The following NFIA variants were observed in gnomAD, a reference collection of about 807,000 sequenced individuals.
NFIA encodes nuclear factor 1 A-type.
NFIA carries 8 observed loss-of-function variants against 62.8 expected under a neutral mutation model. The ratio of observed to expected loss-of-function variants is 0.13; its 90% CI spans 0.07 to 0.23. The LOEUF (loss-of-function observed/expected upper bound fraction) is 0.23, where lower values mean the gene tolerates loss of function less well. NFIA is among the 10% of genes least tolerant of loss of function. The probability of loss-of-function intolerance (pLI) is 1.00; values close to 1 mark genes in which losing one functional copy is unlikely to be tolerated. For missense variants in NFIA, 410 were observed against 642.1 expected (o/e 0.64, Z 3.91); for synonymous variants, 235 against 238.1 (o/e 0.99, Z 0.12).
intron 2 of NFIA, among the ~76,000 whole-genome samples, chr1:61,195,544 A>G (rs1043950781): frequency 1.1e-4 from 16 of 152,142 alleles, no homozygotes; most frequent in African/African-American, 3.6e-4. Flanking sequence ...TTGTGTCACT[A>G]AGAGTTAAGA....
At position 61,352,756 on chromosome 1, in the gene NFIA, TACACAC is replaced by T. The variant is rs10544967; in HGVS notation, c.818+212_818+217del. On this transcript the variant is annotated intron_variant, in intron 5 of 10. Coordinates refer to ENST00000403491, the MANE Select transcript of NFIA (RefSeq NM_001134673.4). Reference sequence around the variant, plus strand: ...CAAATATGCATGTGGCAAGATTAAATACACACACACACACACACACACACACACGCA... The same window carrying T: ...CAAATATGCATGTGGCAAGATTAAATACACACACACACACACACACACGCA... Among the ~76,000 whole-genome samples, 502 of 150,564 alleles carry T rather than the reference TACACAC, an allele frequency of 3.3e-3. 4 individuals carry two copies. The highest frequency in any genetic ancestry group is 0.013 in the South Asian group (63 of 4,710).
intron 2 of NFIA, among the ~76,000 whole-genome samples, chr1:61,202,900 C>T (rs578122687): frequency 6.6e-6 from 1 of 152,170 alleles, no homozygotes; most frequent in African/African-American, 2.4e-5. Context: ...ATTGTTAAAG[C>T]CTCATGTAAA....
At chr1:61,437,572 A>G (rs566447726) in intron 10 of NFIA, among the ~76,000 whole-genome samples, 5 of 152,312 alleles carry the variant, frequency 3.3e-5, no homozygotes, top group African/African-American at 1.2e-4. Context: ...GAGGCTAAAG[A>G]TGTACATTAT....
chr1:61,385,943 T>C (rs901384488), intron 7 of NFIA: 2 of 152,200 alleles, frequency 1.3e-5, no homozygotes, highest in Admixed American at 1.3e-4. Flanking sequence ...TCTTACCGTG[T>C]CCCACCCCGC....
chr1:61,078,965 G>A (rs1317635448), upstream of NFIA, among the ~76,000 whole-genome samples: 1 of 152,142 alleles, frequency 6.6e-6, no homozygotes, highest in Admixed American at 6.5e-5. Flanking sequence ...TCTGAGCAGC[G>A]TAGACACCCA....
intron 3 of NFIA, among the ~76,000 whole-genome samples, chr1:61,278,886 T>G (rs1031550332): frequency 1.3e-5 from 2 of 152,196 alleles, no homozygotes; most frequent in African/African-American, 4.8e-5. Flanking sequence ...TTATTTAACC[T>G]CTCAGAGTAT....
In NFIA at chr1:61,083,894, GC is replaced by G. The variant is rs962214480; in HGVS notation, c.27+1082del. On this transcript the variant is annotated intron_variant, in intron 1 of 10. Coordinates refer to ENST00000403491, the MANE Select transcript of NFIA (RefSeq NM_001134673.4). ...GCGCCCCACCGCCTCTCCTTTCCGT[GC>G]CCCCCTGTCCATTCCTCCCTTGTCT... Among the ~76,000 whole-genome samples the G allele has an allele frequency of 1.5e-4, 23 of 151,698 alleles. 1 individual carries two copies. Among genetic ancestry groups the G allele is most frequent in the South Asian group, 6.2e-4 (3 of 4,824 alleles).
At position 61,402,033 on chromosome 1, in the gene NFIA, CTTTTTTTTTTTT is replaced by C. The variant is rs10636290; in HGVS notation, c.1076-2060_1076-2049del. 5.2e-4 allele frequency among the ~76,000 whole-genome samples: 49 copies of C among 94,568 alleles called. No individual in the cohort carries two copies. In the Admixed American group the frequency reaches 6.8e-3, roughly 13 times the overall value. 62.0% of individuals were successfully genotyped at this position (94,568 alleles called of 152,430 possible). On this transcript the variant is annotated intron_variant, in intron 7 of 10. Coordinates refer to ENST00000403491, the MANE Select transcript of NFIA (RefSeq NM_001134673.4). ...GAAGTCCTAAGTTTTACTCATTTTT[CTTTTTTTTTTTT>C]TTTTTTTTTTGAGACGGAGTCTCCC...
chr1:61,264,688 C>T (rs985117886), intron 2 of NFIA, among the ~76,000 whole-genome samples: 1 of 149,178 alleles, frequency 6.7e-6, no homozygotes, highest in East Asian at 2.0e-4. Flanking sequence ...AAAGGATTTC[C>T]CGAAGGTAGT....
At chr1:61,119,710 T>C (rs1005034594) in intron 2 of NFIA, among the ~76,000 whole-genome samples, 3 of 152,210 alleles carry the variant, frequency 2.0e-5, no homozygotes, top group African/African-American at 7.2e-5. Flanking sequence ...AAATCTTTAT[T>C]ATCAAAATGT....
At chr1:61,359,965 A>G (rs527321962) in intron 6 of NFIA, among the ~76,000 whole-genome samples, 16 of 152,160 alleles carry the variant, frequency 1.1e-4, no homozygotes, top group Non-Finnish European at 1.9e-4. Context: ...AAATCTATCA[A>G]CTTTTTCAGC....
chr1:61,433,831 G>T (rs1667212118), intron 10 of NFIA, among the ~76,000 whole-genome samples: 1 of 152,130 alleles, frequency 6.6e-6, no homozygotes, highest in African/African-American at 2.4e-5. Context: ...CATATCCAGA[G>T]GTCAGTAGAG....
chr1:61,319,360 G>A (rs1174047117), intron 3 of NFIA, among the ~76,000 whole-genome samples: 1 of 152,034 alleles, frequency 6.6e-6, no homozygotes, highest in Non-Finnish European at 1.5e-5. Flanking sequence ...TACATCTCAA[G>A]AATGAAAGGA....
chr1:61,296,108 C>G (rs1322948271), intron 3 of NFIA, among the ~76,000 whole-genome samples: 1 of 152,210 alleles, frequency 6.6e-6, no homozygotes, highest in South Asian at 2.1e-4. Context: ...CTGAACTGAT[C>G]TGGCATTCTA....
chr1:61,434,295 A>G (rs1667234472), intron 10 of NFIA, among the ~76,000 whole-genome samples: 1 of 152,146 alleles, frequency 6.6e-6, no homozygotes, highest in African/African-American at 2.4e-5. Context: ...GGTGTTGAAT[A>G]GTAAGCAACA....
At chr1:61,255,725 C>G (rs1019621781) in intron 2 of NFIA, among the ~76,000 whole-genome samples, 3 of 152,270 alleles carry the variant, frequency 2.0e-5, no homozygotes, top group Non-Finnish European at 2.9e-5. Flanking sequence ...ACCTTGGCAC[C>G]TGACTGGCAG....
chr1:61,136,689 C>G (rs1309248906), intron 2 of NFIA, among the ~76,000 whole-genome samples: 1 of 152,172 alleles, frequency 6.6e-6, no homozygotes, highest in Non-Finnish European at 1.5e-5. Flanking sequence ...CACCTATGCA[C>G]AAAGCATTTT....
At chr1:61,282,810 G>A (rs1334590203) in intron 3 of NFIA, among the ~76,000 whole-genome samples, 1 of 152,208 alleles carries the variant, frequency 6.6e-6, no homozygotes, top group Non-Finnish European at 1.5e-5. Context: ...CAGACTGCTA[G>A]TAATAACTTT....
intron 2 of NFIA, among the ~76,000 whole-genome samples, chr1:61,114,667 C>G (rs1646766570): frequency 6.6e-6 from 1 of 152,134 alleles, no homozygotes; most frequent in Admixed American, 6.5e-5. Context: ...GTCAGAGTTA[C>G]TCAGGAGAAA....
Sources: allele counts gnomAD v4.1 joint callset (sites outside exome capture counted in the v4.1 genomes callset), GRCh38; gene constraint gnomAD v4.1.1; transcripts MANE v1.5; gene names NCBI Gene and HGNC (gene_info 2026-07-23, HGNC 2026-07-21).